RORA: variants seen among roughly 807,000 people sequenced by gnomAD.
RORA encodes RAR related orphan receptor A.
RORA carries 7 observed loss-of-function variants against 69.5 expected under a neutral mutation model. The observed-to-expected ratio is 0.10, with a 90% CI of 0.06 to 0.19. The LOEUF is 0.19. Ranked by LOEUF, RORA falls within the 10% of genes least tolerant of loss-of-function variation. The pLI is 1.00. For missense variants in RORA, 457 were observed against 663.0 expected (o/e 0.69, Z 3.41); for synonymous variants, 261 against 240.8 (o/e 1.08, Z -0.78).
chr15:61,200,429 C>T (rs1314570262), intron 1 of RORA, among the ~76,000 whole-genome samples: 2 of 152,124 alleles, frequency 1.3e-5, no homozygotes, highest in East Asian at 1.9e-4. Context: ...CATAGAGTCA[C>T]CGCAGGATCC....
chr15:60,494,450 A>AATTATAAAAACTATTAAG lies in RORA; in HGVS notation c.*2987_*3004dup, dbSNP rs2065118279. 1 of 152,252 alleles carries AATTATAAAAACTATTAAG rather than the reference A, an allele frequency of 6.6e-6. No individual in the cohort carries two copies. The highest frequency in any genetic ancestry group is 6.5e-5 in the Admixed American group (1 of 15,292). 9.4% of individuals were successfully genotyped at this position (152,252 alleles called of 1,614,324 possible). ...TGGAGACTGAAGTTTAGGAAACTTT[A>AATTATAAAAACTATTAAG]ATTATAAAAACTATTAAGGATAATT... On this transcript the variant is annotated 3_prime_UTR_variant, in exon 11 of 11. Transcript: ENST00000335670.
intron 1 of RORA, among the ~76,000 whole-genome samples, chr15:60,837,651 T>C (rs1489034847): frequency 6.6e-6 from 1 of 152,172 alleles, no homozygotes; most frequent in Admixed American, 6.5e-5. Context: ...GCCTTGCCCT[T>C]GGTTTCCCTG....
intron 1 of RORA, among the ~76,000 whole-genome samples, chr15:61,137,709 C>G (rs559833705): frequency 2.0e-5 from 3 of 152,296 alleles, no homozygotes; most frequent in African/African-American, 7.2e-5. Context: ...ATGAGTGCCA[C>G]TCTTGCTGAA....
intron 1 of RORA, among the ~76,000 whole-genome samples, chr15:60,825,544 C>G (rs1473269290): frequency 6.6e-6 from 1 of 152,154 alleles, no homozygotes; most frequent in Non-Finnish European, 1.5e-5. Flanking sequence ...GGTCAAGAAC[C>G]AGAGGCATTA....
chr15:60,728,556 G>A (rs575077481), intron 1 of RORA, among the ~76,000 whole-genome samples: 1 of 152,198 alleles, frequency 6.6e-6, no homozygotes, highest in South Asian at 2.1e-4. Context: ...AATACCTACA[G>A]AGACACACAA....
intron 1 of RORA, among the ~76,000 whole-genome samples, chr15:60,973,170 G>T (rs1893772735): frequency 6.6e-6 from 1 of 152,114 alleles, no homozygotes; most frequent in African/African-American, 2.4e-5. Flanking sequence ...GAGGTAGGGA[G>T]GGTCCTGGAA....
At chr15:61,169,528 G>A (rs1841660261) in intron 1 of RORA, among the ~76,000 whole-genome samples, 1 of 150,980 alleles carries the variant, frequency 6.6e-6, no homozygotes, top group Non-Finnish European at 1.5e-5. Flanking sequence ...CACACGGGAC[G>A]TAAACACCAC....
At chr15:60,738,941 T>C (rs1474731587) in intron 1 of RORA, among the ~76,000 whole-genome samples, 1 of 152,244 alleles carries the variant, frequency 6.6e-6, no homozygotes. Flanking sequence ...TGTGTGCATC[T>C]GTCTTCAAAT....
intron 2 of RORA, among the ~76,000 whole-genome samples, chr15:60,611,578 A>AAAAAAAAAAAC (rs2069090951): frequency 6.9e-6 from 1 of 144,018 alleles, no homozygotes; most frequent in Non-Finnish European, 1.5e-5. Flanking sequence ...AAAAAAAAAA[A>AAAAAAAAAAAC]AAAAAAAAAA....
intron 1 of RORA, among the ~76,000 whole-genome samples, chr15:60,945,216 C>T (rs1374149392): frequency 6.6e-6 from 1 of 152,174 alleles, no homozygotes; most frequent in Non-Finnish European, 1.5e-5. Flanking sequence ...ATAAACTGCA[C>T]AAATCATGGG....
At chr15:60,612,696 G>A (rs1327010479) in intron 2 of RORA, among the ~76,000 whole-genome samples, 1 of 95,058 alleles carries the variant, frequency 1.1e-5, no homozygotes, top group South Asian at 3.5e-4. Flanking sequence ...CTCTCTCTCT[G>A]TTTTACTCTG....
chr15:60,769,682 C>T (rs1324535350), intron 1 of RORA, among the ~76,000 whole-genome samples: 1 of 151,940 alleles, frequency 6.6e-6, no homozygotes. Flanking sequence ...GTCTGATATC[C>T]ATTTGGAATC....
intron 1 of RORA, among the ~76,000 whole-genome samples, chr15:60,850,255 T>A (rs1322844917): frequency 6.6e-6 from 1 of 152,134 alleles, no homozygotes; most frequent in African/African-American, 2.4e-5. Flanking sequence ...GCAAGGGAAC[T>A]TAGAACAACC....
At chr15:60,582,626 T>A (rs918758302) in intron 2 of RORA, among the ~76,000 whole-genome samples, 1 of 152,176 alleles carries the variant, frequency 6.6e-6, no homozygotes, top group Non-Finnish European at 1.5e-5. Context: ...GTGTTGGGCT[T>A]CAGAGGTTTC....
intron 1 of RORA, among the ~76,000 whole-genome samples, chr15:60,697,128 T>G (rs937870612): frequency 6.6e-6 from 1 of 152,236 alleles, no homozygotes; most frequent in Non-Finnish European, 1.5e-5. Context: ...CACTTTTGAC[T>G]GGCTGCCACA....
At chr15:60,996,631 C>T (rs1894546406) in intron 1 of RORA, among the ~76,000 whole-genome samples, 2 of 152,112 alleles carry the variant, frequency 1.3e-5, no homozygotes, top group Admixed American at 1.3e-4. Flanking sequence ...TATCTTCAGG[C>T]CGGGCACGAT....
chr15:60,497,661 C>T (rs771960447), intron 10 of RORA, 42 bp from the exon 11 acceptor site: 8 of 1,514,716 alleles, frequency 5.3e-6, no homozygotes, highest in Non-Finnish European at 7.3e-6. Context: ...CAAGAACAGG[C>T]ATAAGCATCA....
chr15:60,919,050 T>C (rs760273699), intron 1 of RORA, among the ~76,000 whole-genome samples: 2 of 152,110 alleles, frequency 1.3e-5, no homozygotes, highest in African/African-American at 2.4e-5. Flanking sequence ...CGAAAAGACA[T>C]GCGGCTTATA....
intron 2 of RORA, among the ~76,000 whole-genome samples, chr15:60,596,087 C>T (rs935803437): frequency 6.6e-6 from 1 of 152,192 alleles, no homozygotes; most frequent in Non-Finnish European, 1.5e-5. Flanking sequence ...TGATACTTGA[C>T]TTTATGAGCG....
Sources: allele counts gnomAD v4.1 joint callset (sites outside exome capture counted in the v4.1 genomes callset), GRCh38; gene constraint gnomAD v4.1.1; transcripts MANE v1.5; gene names NCBI Gene and HGNC (gene_info 2026-07-23, HGNC 2026-07-21).